Variants in OR51B5 observed in about 807,000 individuals in gnomAD.
OR51B5 encodes the protein olfactory receptor 51B5.
For missense variants in OR51B5, 456 were observed against 374.6 expected (o/e 1.22, Z -1.79); for synonymous variants, 186 against 144.8 (o/e 1.28, Z -2.04).
At chr11:5,349,372 C>CT in intron 1 of OR51B5, among the ~76,000 whole-genome samples, 1 of 151,508 alleles carries the variant, frequency 6.6e-6, no homozygotes, top group Non-Finnish European at 1.5e-5. Context: ...TGTTTCTCAG[C>CT]TTTATTTTCC....
At chr11:5,475,531 T>G (rs1851290497) in intron 1 of OR51B5, among the ~76,000 whole-genome samples, 1 of 152,168 alleles carries the variant, frequency 6.6e-6, no homozygotes, top group African/African-American at 2.4e-5. Flanking sequence ...ATTACTGCCT[T>G]ATGGATCCCC....
At chr11:5,403,980 C>A (rs1259525235) in intron 1 of OR51B5, among the ~76,000 whole-genome samples, 2 of 151,974 alleles carry the variant, frequency 1.3e-5, no homozygotes, top group South Asian at 2.1e-4. Flanking sequence ...AACATACCAG[C>A]TAGTTCAAAG....
intron 1 of OR51B5, among the ~76,000 whole-genome samples, chr11:5,404,454 C>T (rs1231381499): frequency 6.6e-6 from 1 of 152,206 alleles, no homozygotes; most frequent in African/African-American, 2.4e-5. Context: ...TTTGTAAACA[C>T]ACCATTCAGC....
chr11:5,365,295 G>C (rs568038185), intron 1 of OR51B5, among the ~76,000 whole-genome samples: 2 of 152,286 alleles, frequency 1.3e-5, no homozygotes, highest in South Asian at 4.1e-4. Flanking sequence ...AATACCACTG[G>C]TGTTTGCCAG....
rs572154779 is a variant in OR51B5 at position 5,401,030 on chromosome 11, C to G, written n.85-54120G>C. Among the ~76,000 whole-genome samples the G allele has an allele frequency of 6.6e-5, 10 of 152,264 alleles. No homozygotes were observed. In the South Asian group the frequency reaches 2.1e-3, roughly 32 times the overall value. ...TTTGGGTGAATGAGTTGAAAACAAT[C>G]TTCAGAGGTCCTTCCTACCATGCTA... On this transcript the variant is annotated intron_variant and non_coding_transcript_variant, in intron 1 of 4. Transcript: ENST00000415970.
chr11:5,414,293 G>A (rs1019822263), intron 1 of OR51B5, among the ~76,000 whole-genome samples: 4 of 149,618 alleles, frequency 2.7e-5, no homozygotes, highest in African/African-American at 4.9e-5. Flanking sequence ...CACTAAACAT[G>A]GAAAGGAACA....
chr11:5,406,499 A>G (rs1284203214), intron 1 of OR51B5, among the ~76,000 whole-genome samples: 1 of 152,102 alleles, frequency 6.6e-6, no homozygotes, highest in Non-Finnish European at 1.5e-5. Context: ...TTCTACCTTT[A>G]TATTCTATGC....
chr11:5,346,122 C>A (rs10768828), upstream of OR51B5: 45,264 of 151,994 alleles, frequency 0.3, 7,453 homozygotes, highest in Non-Finnish European at 0.38. Flanking sequence ...TCCTTCTTAT[C>A]AGAGAATATG....
At chr11:5,357,707 C>A (rs1290917633) in intron 1 of OR51B5, among the ~76,000 whole-genome samples, 2 of 150,184 alleles carry the variant, frequency 1.3e-5, no homozygotes, top group South Asian at 2.2e-4. Flanking sequence ...AGCACCACAC[C>A]ACACCTATTC....
intron 1 of OR51B5, among the ~76,000 whole-genome samples, chr11:5,439,207 G>C (rs960758928): frequency 6.6e-6 from 1 of 152,092 alleles, no homozygotes; most frequent in Non-Finnish European, 1.5e-5. Context: ...CAGGAGGTAG[G>C]AATTGAGGGA....
In OR51B5 at chr11:5,389,370, C is replaced by T. The variant is rs191692514; in HGVS notation, n.85-42460G>A. ...CTGAAGAATTAATAACCAGAAATAT[C>T]CATTTATTTTCAGCTCAATCCCCGA... On this transcript the variant is annotated intron_variant and non_coding_transcript_variant, in intron 1 of 4. Coordinates refer to the OR51B5 transcript ENST00000415970. 3.1e-5 allele frequency: 50 copies of T among 1,597,686 alleles called. No homozygotes were observed. In the East Asian group the frequency reaches 9.2e-4, roughly 29 times the overall value.
chr11:5,489,805 C>T, intron 1 of OR51B5: 1 of 662,858 alleles, frequency 1.5e-6, no homozygotes, highest in Non-Finnish European at 2.7e-6. Context: ...CCAGATGAAT[C>T]AGAGCTATCA....
chr11:5,417,039 T>G (rs1179870137), intron 1 of OR51B5, among the ~76,000 whole-genome samples: 1 of 149,018 alleles, frequency 6.7e-6, no homozygotes, highest in Non-Finnish European at 1.5e-5. Context: ...ACTACAAGGC[T>G]ACAGTAAACA....
At chr11:5,474,412 C>T (rs1289653236) in intron 1 of OR51B5, among the ~76,000 whole-genome samples, 1 of 152,122 alleles carries the variant, frequency 6.6e-6, no homozygotes, top group East Asian at 1.9e-4. Flanking sequence ...AATAATCAAG[C>T]AGGTCTATAG....
At chr11:5,424,376 A>C (rs189339804) in intron 1 of OR51B5, among the ~76,000 whole-genome samples, 27 of 152,238 alleles carry the variant, frequency 1.8e-4, no homozygotes, top group Admixed American at 1.0e-3. Context: ...AACAAACAAA[A>C]AAACACCTTT....
At chr11:5,466,485 A>T (rs1851140468) in intron 1 of OR51B5, among the ~76,000 whole-genome samples, 1 of 152,194 alleles carries the variant, frequency 6.6e-6, no homozygotes, top group Non-Finnish European at 1.5e-5. Flanking sequence ...TGATATTTAG[A>T]TGCAGACACT....
chr11:5,428,921 T>TC (rs1412069739), intron 1 of OR51B5, among the ~76,000 whole-genome samples: 1 of 152,208 alleles, frequency 6.6e-6, no homozygotes, highest in African/African-American at 2.4e-5. Flanking sequence ...GTTTTTACTG[T>TC]CCCTTACTGC....
At chr11:5,375,570 C>T (rs1849513158) in intron 1 of OR51B5, among the ~76,000 whole-genome samples, 1 of 152,106 alleles carries the variant, frequency 6.6e-6, no homozygotes, top group African/African-American at 2.4e-5. Context: ...AAACCCATCT[C>T]ATGTGCACAC....
At chr11:5,346,303 C>T (rs1370018921), upstream of OR51B5, 1 of 152,122 alleles carries the variant, frequency 6.6e-6, no homozygotes, top group East Asian at 1.9e-4. Context: ...AATCACTCTA[C>T]TTTGTTTTGT....
Sources: gnomAD v4.1 joint callset for allele counts (sites outside exome capture counted in the v4.1 genomes callset) on GRCh38, gnomAD v4.1.1 for gene constraint, MANE v1.5 for transcripts, NCBI Gene and HGNC (gene_info 2026-07-23, HGNC 2026-07-21) for gene names.